FBXO38: variants seen among roughly 807,000 people sequenced by gnomAD.
The protein encoded by FBXO38 is F-box only protein 38.
Under a neutral mutation model 131.9 loss-of-function variants are expected in FBXO38, and 53 were observed. The observed-to-expected ratio is 0.40, with a 90% confidence interval of 0.32 to 0.51. The LOEUF (loss-of-function observed/expected upper bound fraction) is 0.51. FBXO38 is among the 20% of genes least tolerant of loss of function. The pLI, the probability that FBXO38 is intolerant of heterozygous loss-of-function variation, is 0.53. For synonymous variants in FBXO38, 452 were observed against 505.6 expected, an observed-to-expected ratio of 0.89 and a Z score of 1.42; for missense variants, 1,076 against 1,475.6, an observed-to-expected ratio of 0.73 and a Z score of 4.44.
At chr5:148,404,168 A>G (rs1752314311) in intron 5 of FBXO38, among the ~76,000 whole-genome samples, 1 of 152,218 alleles carries the variant, frequency 6.6e-6, no homozygotes, top group Non-Finnish European at 1.5e-5. Context: ...ATTTATAGAA[A>G]ACAGCTTTTA....
chr5:148,414,432 A>C, intron 10 of FBXO38, 126 bp downstream of exon 10: 7 of 913,332 alleles, frequency 7.7e-6, no homozygotes, highest in Non-Finnish European at 7.9e-6. Flanking sequence ...TGGATTGTTC[A>C]TACAAGTTCT....
chr5:148,409,260 T>C (rs1752616524), intron 8 of FBXO38, 43 bp downstream of exon 8: 1 of 1,304,276 alleles, frequency 7.7e-7, no homozygotes, highest in Admixed American at 1.7e-5. Flanking sequence ...TTAGAAGTAA[T>C]TATGTTTTTC....
intron 9 of FBXO38, among the ~76,000 whole-genome samples, chr5:148,411,095 T>A (rs1041543655): frequency 2.8e-4 from 43 of 152,290 alleles, no homozygotes; most frequent in African/African-American, 1.0e-3. Flanking sequence ...CATCCTTGGT[T>A]CCATTGTTGA....
At chr5:148,435,532 G>C (rs1189331182) in intron 17 of FBXO38, among the ~76,000 whole-genome samples, 1 of 152,148 alleles carries the variant, frequency 6.6e-6, no homozygotes, top group South Asian at 2.1e-4. Context: ...AGCACTTTGG[G>C]AGGCCAAGGC....
intron 14 of FBXO38, among the ~76,000 whole-genome samples, chr5:148,426,945 T>C (rs1753741328): frequency 1.3e-5 from 2 of 152,034 alleles, no homozygotes; most frequent in South Asian, 4.1e-4. Flanking sequence ...GAATGTAGAA[T>C]GTATATGGAG....
In FBXO38 at chr5:148,406,346, T is replaced by C; in HGVS notation, c.820T>C (p.Phe274Leu). The C allele has an allele frequency of 6.2e-7, 1 of 1,609,138 alleles. No individual in the cohort carries two copies. Among genetic ancestry groups the C allele is most frequent in the Non-Finnish European group, 8.5e-7 (1 of 1,177,424 alleles). The change falls in exon 7 of 22, where the codon TTC becomes CTC. Residue 274 changes from phenylalanine (F) to leucine (L), a missense_variant. By Grantham distance (22) the Phe-to-Leu change is conservative. This residue lies in a region of FBXO38 where 146 missense variants were observed against 274.3 expected (regional missense o/e 0.53). Coordinates refer to ENST00000340253, the MANE Select transcript of FBXO38 (RefSeq NM_205836.3). Reference protein sequence around the residue: ...LEHLEMVRVPFLGGLIQHVVE... With the variant: ...LEHLEMVRVPLLGGLIQHVVE... ...ACACTTAGAAATGGTTCGAGTTCCT[T>C]TCCTTGGAGGTCTTATCCAACATGT...
chr5:148,425,566 G>T lies in FBXO38; in HGVS notation c.1783G>T (p.Val595Phe). The change falls in exon 14 of 22, where the codon GTT becomes TTT. Residue 595 changes from valine (V) to phenylalanine (F), a missense_variant. By Grantham distance (50) the Val-to-Phe change is conservative. Coordinates refer to ENST00000340253, the MANE Select transcript of FBXO38 (RefSeq NM_205836.3). The stretch of plus-strand genomic sequence containing the variant: ...TGTAGTAAAACCAACCTCAATTACT[G>T]TTCATGATTCAGAGAGTGATGATGA... ...QRVVKPTSIT[V>F]HDSESDDEED... is the part of the protein sequence containing the mutation. The T allele has an allele frequency of 6.2e-7, 1 of 1,613,608 alleles. No homozygotes were observed. Among genetic ancestry groups the T allele is most frequent in the Non-Finnish European group, 8.5e-7 (1 of 1,179,592 alleles).
chr5:148,387,069 C>G (rs567425299), intron 1 of FBXO38, among the ~76,000 whole-genome samples: 3 of 151,924 alleles, frequency 2.0e-5, no homozygotes, highest in South Asian at 4.2e-4. Flanking sequence ...TGAAGTTTGC[C>G]TCATTGATTG....
chr5:148,417,766 G>C (rs894233704), intron 12 of FBXO38, among the ~76,000 whole-genome samples: 4 of 152,174 alleles, frequency 2.6e-5, no homozygotes, highest in Non-Finnish European at 2.9e-5. Context: ...GCCAACCCAT[G>C]TGTGAAGGTG....
chr5:148,417,853 C>T (rs78733331), intron 12 of FBXO38, among the ~76,000 whole-genome samples: 2,757 of 152,188 alleles, frequency 0.018, 83 homozygotes, highest in African/African-American at 0.062. Context: ...TCCCAGTTGA[C>T]GCTTAGGAAC....
chr5:148,392,581 T>TTGTGTGTGTGTGTGTGTGTG (rs55667300), intron 1 of FBXO38, among the ~76,000 whole-genome samples: 15 of 141,948 alleles, frequency 1.1e-4, no homozygotes, highest in African/African-American at 3.5e-4. Flanking sequence ...TTGCTTTTCT[T>TTGTGTGTGTGTGTGTGTGTG]TGTGTGTGTG....
intron 12 of FBXO38, among the ~76,000 whole-genome samples, chr5:148,419,703 C>T (rs892119632): frequency 3.3e-5 from 5 of 152,082 alleles, no homozygotes; most frequent in African/African-American, 1.2e-4. Flanking sequence ...GATCACACCA[C>T]TACGCTCCAG....
intron 2 of FBXO38, 77 bp downstream of exon 2, chr5:148,394,981 A>ACT (rs1320723405): frequency 7.7e-7 from 1 of 1,306,996 alleles, no homozygotes; most frequent in African/African-American, 1.5e-5. Flanking sequence ...CTAATGTGGT[A>ACT]GCTACCAGCT....
intron 1 of FBXO38, among the ~76,000 whole-genome samples, chr5:148,392,581 TTGTGTGTGTGTGTG>T (rs55667300): frequency 3.4e-4 from 48 of 141,948 alleles, no homozygotes; most frequent in Admixed American, 7.7e-4. Flanking sequence ...TTGCTTTTCT[TTGTGTGTGTGTGTG>T]TGTGTGTGTG....
intron 13 of FBXO38, 120 bp from the exon 14 acceptor site, chr5:148,425,402 A>G: frequency 1.4e-6 from 1 of 693,588 alleles, no homozygotes; most frequent in Non-Finnish European, 2.5e-6. Flanking sequence ...AATGTGTGCC[A>G]GGGGAGGCTG....
At chr5:148,433,124 C>A in intron 15 of FBXO38, 1 of 233,756 alleles carries the variant, frequency 4.3e-6, no homozygotes, top group Non-Finnish European at 8.4e-6. Context: ...TTCAATTCAC[C>A]AATAGTATTT....
chr5:148,423,807 T>A (rs1446996560), intron 12 of FBXO38, 191 bp from the exon 13 acceptor site: 3 of 368,166 alleles, frequency 8.1e-6, no homozygotes. Context: ...TGATTTTCTC[T>A]CCTGTAGACT....
chr5:148,420,332 G>T (rs940584107), intron 12 of FBXO38, among the ~76,000 whole-genome samples: 1 of 151,620 alleles, frequency 6.6e-6, no homozygotes, highest in Admixed American at 6.6e-5. Flanking sequence ...TTACTGTGTC[G>T]CCCAGTCTGG....
chr5:148,414,858 C>T (rs972935996), intron 10 of FBXO38, among the ~76,000 whole-genome samples: 5 of 152,034 alleles, frequency 3.3e-5, no homozygotes, highest in Non-Finnish European at 7.4e-5. Flanking sequence ...AGAGTAATGT[C>T]ATCTGTTTTC....
Sources: gnomAD v4.1 joint callset for allele counts (sites outside exome capture counted in the v4.1 genomes callset) on GRCh38, gnomAD v4.1.1 for gene constraint, gnomAD v4.1.1 regional missense constraint, MANE v1.5 for transcripts, NCBI Gene and HGNC (gene_info 2026-07-23, HGNC 2026-07-21) for gene names.